Variants in TRIOBP observed in about 807,000 individuals in gnomAD.
The protein encoded by TRIOBP is TRIO and F-actin binding protein, also known as TRIO and F-actin-binding protein.
TRIOBP carries 169 observed loss-of-function variants against 238.8 expected under a neutral mutation model. That is an observed-to-expected ratio of 0.71 (90% CI 0.62 to 0.80). TRIOBP has a LOEUF of 0.80. TRIOBP is among the 30% of genes least tolerant of loss of function. The pLI, the probability that TRIOBP is intolerant of heterozygous loss-of-function variation, is 0.00. For synonymous variants in TRIOBP, 1,150 were observed against 1,274.4 expected, an observed-to-expected ratio of 0.90 and a Z score of 2.08; for missense variants, 2,838 against 3,122.6, an observed-to-expected ratio of 0.91 and a Z score of 2.17.
At chr22:37,729,074 TC>T (rs1291972829) in intron 7 of TRIOBP, among the ~76,000 whole-genome samples, 1 of 151,990 alleles carries the variant, frequency 6.6e-6, no homozygotes, top group African/African-American at 2.4e-5. Flanking sequence ...TGCCGCCACA[TC>T]CGGCTAATTT....
intron 17 of TRIOBP, among the ~76,000 whole-genome samples, chr22:37,760,900 A>G (rs1336893829): frequency 3.3e-5 from 5 of 151,186 alleles, no homozygotes; most frequent in Non-Finnish European, 7.4e-5. Flanking sequence ...GGAACCCAGG[A>G]GGCGCAGGTT....
chr22:37,712,957 A>AAAATAAAT lies in TRIOBP; in HGVS notation c.255-218_255-211dup, dbSNP rs368169188. On this transcript the variant is annotated intron_variant, in intron 4 of 23. Transcript: ENST00000644935. ...GGGTGACAGAGCGAGACTCTGTCTC[A>AAAATAAAT]AAATAAATAAATAAATAAATAAATA... Among the ~76,000 whole-genome samples, 2,153 of 138,390 alleles carry AAAATAAAT rather than the reference A, an allele frequency of 0.016. 33 individuals are homozygous for AAAATAAAT. The highest frequency in any genetic ancestry group is 0.021 in the Non-Finnish European group (1,385 of 65,356). 90.8% of individuals were successfully genotyped at this position (138,390 alleles called of 152,430 possible). A position where few individuals can be genotyped will look rare whatever the true frequency, so the allele number is the denominator to read the frequency against.
intron 17 of TRIOBP, among the ~76,000 whole-genome samples, chr22:37,765,370 G>A (rs1199640185): frequency 6.6e-6 from 1 of 152,192 alleles, no homozygotes; most frequent in Non-Finnish European, 1.5e-5. Context: ...AACCGTAACT[G>A]TGAGATTGCT....
chr22:37,759,314 C>A, intron 17 of TRIOBP, 50 bp downstream of exon 17: 1 of 1,557,290 alleles, frequency 6.4e-7, no homozygotes, highest in Non-Finnish European at 8.9e-7. Context: ...TTTCTGCTTG[C>A]CGTGTTATCA....
At chr22:37,764,010 C>G (rs1013391931) in intron 17 of TRIOBP, among the ~76,000 whole-genome samples, 1 of 152,226 alleles carries the variant, frequency 6.6e-6, no homozygotes, top group Non-Finnish European at 1.5e-5. Context: ...TCTCCTGCCA[C>G]GTCACTCTGA....
intron 9 of TRIOBP, among the ~76,000 whole-genome samples, chr22:37,737,143 G>T (rs530552324): frequency 3.0e-4 from 45 of 152,314 alleles, no homozygotes; most frequent in African/African-American, 1.0e-3. Flanking sequence ...AGGAGGACAC[G>T]GTGCTGTGTC....
At chr22:37,721,104 T>A (rs1923805542) in intron 6 of TRIOBP, among the ~76,000 whole-genome samples, 1 of 151,206 alleles carries the variant, frequency 6.6e-6, no homozygotes, top group South Asian at 2.1e-4. Context: ...CTCCTGACCT[T>A]GTGATCCGCC....
In TRIOBP at chr22:37,735,066, T is replaced by A; in HGVS notation, c.4730T>A (p.Val1577Asp). 6.2e-7 allele frequency: 1 copy of A among 1,606,250 alleles called. No individual in the cohort carries two copies. The highest frequency in any genetic ancestry group is 8.5e-7 in the Non-Finnish European group (1 of 1,174,742). ...RAPGEGVWAR[V>D]PSLDWEGLLE... is the part of the protein sequence containing the mutation. ...CCAGGAGAGGGGGTCTGGGCCCGTG[T>A]CCCCAGCCTGGACTGGGAGGGCCTC... The change falls in exon 9 of 24, where the codon GTC (valine) becomes GAC (aspartate). Residue 1577 changes from valine (V) to aspartate (D), a missense_variant. By Grantham distance (152) the Val-to-Asp change is radical. Around this residue, in one of 5 missense-constraint regions of TRIOBP, gnomAD observed 2,096 missense variants for 2,137.4 expected, o/e 0.98. Transcript: ENST00000644935.
chr22:37,704,315 G>A (rs552812139), intron 3 of TRIOBP, among the ~76,000 whole-genome samples: 19 of 152,174 alleles, frequency 1.2e-4, no homozygotes, highest in South Asian at 6.2e-4. Context: ...ACTGGGAGGC[G>A]GGGGCTTCAG....
chr22:37,767,111 C>T (rs1380827516), intron 18 of TRIOBP, among the ~76,000 whole-genome samples: 6 of 151,946 alleles, frequency 3.9e-5, no homozygotes, highest in Admixed American at 1.3e-4. Context: ...ATTAGCCATG[C>T]GCGGTGGCAG....
chr22:37,754,823 C>G (rs1451986917), intron 12 of TRIOBP, 54 bp from the exon 13 acceptor site: 1 of 1,583,634 alleles, frequency 6.3e-7, no homozygotes. Flanking sequence ...GGCAGCCACA[C>G]AGGACACCTG....
In TRIOBP at chr22:37,755,163, G is replaced by A. The variant is rs11704996; in HGVS notation, c.5550G>A (p.Val1850=). The A allele has an allele frequency of 0.057, 91,917 of 1,613,060 alleles. 2,810 individuals carry two copies. The highest frequency in any genetic ancestry group is 0.1 in the Admixed American group (6,036 of 59,842). ...GCACGGATGTCACTGAGTACGCGGT[G>A]CAGCGCAACTATGGCTTCCAGATCC... is the stretch of plus-strand genomic sequence containing the variant. ...RSCTDVTEYA[V]QRNYGFQIHT... The change falls in exon 14 of 24, where the codon GTG becomes GTA. Residue 1850 remains valine (V), a synonymous_variant. Transcript: ENST00000644935.
At chr22:37,737,876 G>C (rs1260546562) in intron 9 of TRIOBP, among the ~76,000 whole-genome samples, 2 of 152,176 alleles carry the variant, frequency 1.3e-5, no homozygotes, top group Admixed American at 6.5e-5. Flanking sequence ...TCCCTGAACA[G>C]TCACTCCTAG....
At chr22:37,766,546 A>G (rs561712725) in intron 18 of TRIOBP, among the ~76,000 whole-genome samples, 10 of 152,218 alleles carry the variant, frequency 6.6e-5, no homozygotes, top group Non-Finnish European at 1.3e-4. Flanking sequence ...CAGAGTCTGG[A>G]CTTCGCCCTG....
intron 15 of TRIOBP, among the ~76,000 whole-genome samples, chr22:37,757,384 G>A (rs996667414): frequency 1.3e-5 from 2 of 152,052 alleles, no homozygotes; most frequent in African/African-American, 4.8e-5. Context: ...AAACAAGAAC[G>A]GGGGCGAGGG....
At position 37,726,446 on chromosome 22, in the gene TRIOBP, G is replaced by T; in HGVS notation, c.3890G>T (p.Gly1297Val). Residue 1297 changes from glycine (G) to valine (V), a missense_variant, in exon 7 of 24, where the codon GGC (glycine) becomes GTC (valine). Gly to Val is a moderately radical substitution (Grantham distance 109). Coordinates refer to ENST00000644935, the MANE Select transcript of TRIOBP (RefSeq NM_001039141.3). ...CCCCAGGCGCAGTGCAGCAGCGGGG[G>T]CCGCACCCACAGCCCTGGCCGTGCA... is the stretch of plus-strand genomic sequence containing the variant. ...PGPQAQCSSG[G>V]RTHSPGRAEV... The T allele has an allele frequency of 1.3e-6, 2 of 1,572,290 alleles. No individual in the cohort carries two copies. The highest frequency in any genetic ancestry group is 1.7e-6 in the Non-Finnish European group (2 of 1,162,928).
Position 37,719,432 on chromosome 22 carries a change from G to A in TRIOBP, c.628+3498G>A, listed in dbSNP as rs116545464. 4.3e-3 allele frequency among the ~76,000 whole-genome samples: 651 copies of A among 152,040 alleles called. 4 individuals are homozygous for A. The highest frequency in any genetic ancestry group is 0.015 in the African/African-American group (616 of 41,468). Reference sequence around the variant, plus strand: ...GCTGGCTGTGCTGTGTGGGATTTGCGAGCCCTGAGGAAGAGGTTTTGAGGC... The same window carrying A: ...GCTGGCTGTGCTGTGTGGGATTTGCAAGCCCTGAGGAAGAGGTTTTGAGGC... On this transcript the variant is annotated intron_variant, in intron 6 of 23. Coordinates refer to ENST00000644935, the MANE Select transcript of TRIOBP (RefSeq NM_001039141.3).
At position 37,710,352 on chromosome 22, in the gene TRIOBP, C is replaced by T. The variant is rs530034793; in HGVS notation, c.115-75C>T. On this transcript the variant is annotated intron_variant, in intron 3 of 23. Coordinates refer to ENST00000644935, the MANE Select transcript of TRIOBP (RefSeq NM_001039141.3). ...AGATGCCTGGAGACTCCCACGCCAC[C>T]GGGAGGGGCTGTGCAGGGGGAGGGG... The T allele has an allele frequency of 1.9e-4, 306 of 1,598,286 alleles. 2 individuals are homozygous for T. In the East Asian group the frequency reaches 5.7e-3, roughly 30 times the overall value.
intron 12 of TRIOBP, among the ~76,000 whole-genome samples, chr22:37,753,615 A>G (rs1273370574): frequency 2.0e-5 from 3 of 152,224 alleles, no homozygotes; most frequent in Non-Finnish European, 4.4e-5. Context: ...TATGGTTCAG[A>G]AGACTGAAGC....
Sources: gnomAD v4.1 joint callset for allele counts (sites outside exome capture counted in the v4.1 genomes callset) on GRCh38, gnomAD v4.1.1 for gene constraint, gnomAD v4.1.1 regional missense constraint, MANE v1.5 for transcripts, NCBI Gene and HGNC (gene_info 2026-07-23, HGNC 2026-07-21) for gene names.